Variants in WSCD1 observed in about 807,000 individuals in gnomAD.
WSCD1 encodes the protein sialate:O-sulfotransferase 1.
WSCD1 carries 41 observed loss-of-function variants against 60.4 expected under a neutral mutation model. That is an observed-to-expected ratio of 0.68 (90% CI 0.53 to 0.88). The LOEUF is 0.88. WSCD1 is among the 40% of genes least tolerant of loss of function. The pLI is 0.00. For missense variants in WSCD1, 784 were observed against 796.2 expected (o/e 0.98, Z 0.18); for synonymous variants, 361 against 332.5 (o/e 1.09, Z -0.93).
At chr17:6,069,443 G>A (rs937035339), upstream of WSCD1, 6 of 375,480 alleles carry the variant, frequency 1.6e-5, no homozygotes, top group Middle Eastern at 6.5e-4. Flanking sequence ...GAGAGAGAGA[G>A]AGAGAGAGCC....
chr17:6,111,919 C>T (rs1011635104), intron 7 of WSCD1, among the ~76,000 whole-genome samples: 5 of 151,898 alleles, frequency 3.3e-5, no homozygotes, highest in African/African-American at 9.7e-5. Flanking sequence ...ATGAGAAATT[C>T]GATAGAAATA....
In WSCD1 at chr17:6,081,011, A is replaced by G. The variant is rs1909228328; in HGVS notation, c.353A>G (p.His118Arg). Reference protein sequence around the residue: ...ELRQLRRRWFHHFMSDSQGPP... With the variant: ...ELRQLRRRWFRHFMSDSQGPP... ...CGTCAGTTGCGTCGCCGCTGGTTCCACCACTTCATGAGTGACTCCCAGGGA... is the reference window on the plus strand; with the variant it reads ...CGTCAGTTGCGTCGCCGCTGGTTCCGCCACTTCATGAGTGACTCCCAGGGA... The change falls in exon 2 of 9, where the codon CAC becomes CGC. Residue 118 changes from histidine to arginine, a missense_variant. His to Arg is a conservative substitution (Grantham distance 29). Transcript: ENST00000317744. 6.5e-7 allele frequency: 1 copy of G among 1,544,652 alleles called. No individual in the cohort carries two copies. Among genetic ancestry groups the G allele is most frequent in the Non-Finnish European group, 8.7e-7 (1 of 1,146,902 alleles).
rs141236450 is a variant in WSCD1 at position 6,083,176 on chromosome 17, A to C, written c.427+2091A>C. 4.1e-3 allele frequency among the ~76,000 whole-genome samples: 620 copies of C among 152,348 alleles called. 2 individuals are homozygous for C. The highest frequency in any genetic ancestry group is 0.014 in the African/African-American group (563 of 41,584). On this transcript the variant is annotated intron_variant, in intron 2 of 8. Coordinates refer to ENST00000317744, the MANE Select transcript of WSCD1 (RefSeq NM_015253.2). ...TTGGACTAAAGTATACTTGACCGGC[A>C]GGAGTCAACGTTACTTGAGAGGAAG...
Position 6,070,545 on chromosome 17 carries a change from C to A in WSCD1, c.-396C>A, listed in dbSNP as rs1908467599. The A allele has an allele frequency of 6.7e-6, 1 of 148,194 alleles. No individual in the cohort carries two copies. Among genetic ancestry groups the A allele is most frequent in the Non-Finnish European group, 1.5e-5 (1 of 66,746 alleles). The allele number at this position is 148,194 out of a possible 1,614,324, so 9.2% of individuals were successfully genotyped here. Reference sequence around the variant, plus strand: ...CCGCGGGCGGCCGGAGACGTGCGGGCGCCGGGGCTTCTGGGCTCCGGGCAC... The same window carrying A: ...CCGCGGGCGGCCGGAGACGTGCGGGAGCCGGGGCTTCTGGGCTCCGGGCAC... On this transcript the variant is annotated 5_prime_UTR_variant, in exon 1 of 9. Coordinates refer to ENST00000317744, the MANE Select transcript of WSCD1 (RefSeq NM_015253.2).
Position 6,075,330 on chromosome 17 carries a change from G to A in WSCD1, c.-289+4678G>A, listed in dbSNP as rs922343013. ...TTGAGTCATCTGACTGAACCCCAGT[G>A]GCCACTGGCTGCACCTGGGCCAGCT... On this transcript the variant is annotated intron_variant, in intron 1 of 8. Coordinates refer to ENST00000317744, the MANE Select transcript of WSCD1 (RefSeq NM_015253.2). The surrounding 1 kb of genome is among the most constrained non-coding windows in gnomAD (Gnocchi z 4.1). Among the ~76,000 whole-genome samples the A allele has an allele frequency of 2.6e-5, 4 of 152,058 alleles. No individual in the cohort carries two copies. Among genetic ancestry groups the A allele is most frequent in the African/African-American group, 9.7e-5 (4 of 41,374 alleles).
At chr17:6,072,630 G>T (rs1056153267) in intron 1 of WSCD1, among the ~76,000 whole-genome samples, 1 of 152,182 alleles carries the variant, frequency 6.6e-6, no homozygotes, top group East Asian at 1.9e-4. Flanking sequence ...TAAAATGCAG[G>T]TGATAATCAT....
At chr17:6,094,551 AGAAG>A (rs137963695) in intron 4 of WSCD1, among the ~76,000 whole-genome samples, 11 of 148,266 alleles carry the variant, frequency 7.4e-5, no homozygotes, top group African/African-American at 2.8e-4. Context: ...GAAGGAAGAA[AGAAG>A]GAAGGAAGGA....
intron 4 of WSCD1, among the ~76,000 whole-genome samples, chr17:6,093,732 A>G (rs1286786220): frequency 2.6e-5 from 4 of 152,204 alleles, no homozygotes; most frequent in Non-Finnish European, 5.9e-5. Context: ...GCGTGGGTAT[A>G]CATTGTTCCT....
At chr17:6,095,777 A>G (rs1910384715) in intron 5 of WSCD1, among the ~76,000 whole-genome samples, 1 of 152,206 alleles carries the variant, frequency 6.6e-6, no homozygotes, top group African/African-American at 2.4e-5. Flanking sequence ...GGTGGCTTGC[A>G]AAAAGCAGGG....
rs1908470142 is a variant in WSCD1, at chr17:6,070,584, G to C, written c.-357G>C. ...GGCTCCGGGCACTGCGGGGGGCTGC[G>C]GGCTCGGCGCCCGGGGAAGGCGGGC... On this transcript the variant is annotated 5_prime_UTR_variant, in exon 1 of 9. Coordinates refer to ENST00000317744, the MANE Select transcript of WSCD1 (RefSeq NM_015253.2). The C allele has an allele frequency of 6.7e-6, 1 of 149,112 alleles. No individual in the cohort carries two copies. The highest frequency in any genetic ancestry group is 2.4e-5 in the African/African-American group (1 of 41,036). 9.2% of individuals were successfully genotyped at this position (149,112 alleles called of 1,614,324 possible).
chr17:6,090,209 A>G (rs1909930661), intron 3 of WSCD1, 112 bp from the exon 4 acceptor site: 3 of 1,099,268 alleles, frequency 2.7e-6, no homozygotes, highest in Non-Finnish European at 3.6e-6. Context: ...AAAACAAAAA[A>G]CAAAAAAAAA....
At chr17:6,117,906 C>T (rs1448156903) in intron 7 of WSCD1, 82 bp from the exon 8 acceptor site, 2 of 1,458,062 alleles carry the variant, frequency 1.4e-6, no homozygotes, top group African/African-American at 1.4e-5. Context: ...CTGATGCCAG[C>T]TTTACCCAAT....
intron 1 of WSCD1, among the ~76,000 whole-genome samples, chr17:6,076,951 C>T (rs996130331): frequency 6.6e-6 from 1 of 152,148 alleles, no homozygotes; most frequent in African/African-American, 2.4e-5. Flanking sequence ...GATCTGGGAA[C>T]ATGGAGATAA....
rs560328416 is a variant in WSCD1, at chr17:6,074,695, C to T, written c.-289+4043C>T. Among the ~76,000 whole-genome samples, 14 of 152,298 alleles carry T rather than the reference C, an allele frequency of 9.2e-5. No individual in the cohort carries two copies. In the South Asian group the frequency reaches 2.3e-3, roughly 25 times the overall value. On this transcript the variant is annotated intron_variant, in intron 1 of 8. Coordinates refer to ENST00000317744, the MANE Select transcript of WSCD1 (RefSeq NM_015253.2). ...TTGATGGCCTGAAGCATTTCAGAGC[C>T]GTGAGATGGGGCACAAGCATCCCTG...
Position 6,120,580 on chromosome 17 carries a change from C to T in WSCD1, c.1647C>T (p.Ile549=), listed in dbSNP as rs764914266. Residue 549 remains isoleucine, a synonymous_variant, in exon 9 of 9, where the codon ATC becomes ATT. Coordinates refer to ENST00000317744, the MANE Select transcript of WSCD1 (RefSeq NM_015253.2). ...TCACCCCGGAGATGAAAGACTTGAT[C>T]AATGGCTACATCCGGACGGTGGACC... ...EPFTPEMKDL[I]NGYIRTVDQA... 3.0e-5 allele frequency: 48 copies of T among 1,613,586 alleles called. No individual in the cohort carries two copies. The highest frequency in any genetic ancestry group is 4.0e-5 in the Non-Finnish European group (47 of 1,180,002).
intron 5 of WSCD1, among the ~76,000 whole-genome samples, chr17:6,097,930 A>G (rs1313792103): frequency 2.0e-5 from 3 of 148,378 alleles, no homozygotes; most frequent in African/African-American, 7.5e-5. Context: ...TGTGTACCTC[A>G]TTAGGGCCCA....
intron 1 of WSCD1, among the ~76,000 whole-genome samples, chr17:6,079,255 A>C (rs1374847890): frequency 6.7e-6 from 1 of 149,940 alleles, no homozygotes; most frequent in Non-Finnish European, 1.5e-5. Context: ...GTGGCTGCAC[A>C]GGCCTGGCGG....
At chr17:6,096,224 C>T (rs1173264222) in intron 5 of WSCD1, among the ~76,000 whole-genome samples, 1 of 152,172 alleles carries the variant, frequency 6.6e-6, no homozygotes, top group African/African-American at 2.4e-5. Flanking sequence ...GAGCCGTGTG[C>T]CTGAGGTCAC....
chr17:6,084,633 C>T (rs1469971568), intron 2 of WSCD1: 3 of 152,236 alleles, frequency 2.0e-5, no homozygotes, highest in African/African-American at 7.2e-5. Flanking sequence ...AGTAACTTCT[C>T]CATAGCCAGT....
Sources: allele counts gnomAD v4.1 joint callset (sites outside exome capture counted in the v4.1 genomes callset), GRCh38; gene constraint gnomAD v4.1.1; non-coding constraint Gnocchi (gnomAD v3.1); transcripts MANE v1.5; gene names NCBI Gene and HGNC (gene_info 2026-07-23, HGNC 2026-07-21).